The following COX7B2 variants were observed in gnomAD, a reference collection of about 807,000 sequenced individuals.
COX7B2 encodes the protein cytochrome c oxidase subunit 7B2.
For synonymous variants in COX7B2, 37 were observed against 32.1 expected (o/e 1.15, Z -0.51); for missense variants, 109 against 95.9 (o/e 1.14, Z -0.57).
chr4:46,767,201 T>A (rs1178131254), intron 2 of COX7B2, among the ~76,000 whole-genome samples: 1 of 152,072 alleles, frequency 6.6e-6, no homozygotes. Flanking sequence ...CAAAAGAAAG[T>A]AGGATATATA....
intron 2 of COX7B2, among the ~76,000 whole-genome samples, chr4:46,769,424 T>C (rs1369341756): frequency 6.6e-6 from 1 of 152,190 alleles, no homozygotes; most frequent in Non-Finnish European, 1.5e-5. Flanking sequence ...AATAATATGA[T>C]ATATCACATT....
chr4:46,803,140 CAGG>C (rs1027911782), intron 2 of COX7B2, among the ~76,000 whole-genome samples: 2 of 151,970 alleles, frequency 1.3e-5, no homozygotes, highest in Admixed American at 1.3e-4. Flanking sequence ...GGGAATTGCC[CAGG>C]AGTTGTATAA....
At chr4:46,907,005 T>C (rs1180056486) in intron 1 of COX7B2, among the ~76,000 whole-genome samples, 2 of 152,216 alleles carry the variant, frequency 1.3e-5, no homozygotes, top group African/African-American at 2.4e-5. Flanking sequence ...ATTTCCCTAG[T>C]CTTAGTTCTG....
At chr4:46,812,572 A>G (rs527499925) in intron 2 of COX7B2, among the ~76,000 whole-genome samples, 10 of 152,228 alleles carry the variant, frequency 6.6e-5, no homozygotes, top group African/African-American at 2.4e-4. Flanking sequence ...GCAAGGATGT[A>G]AGTTCCTGAT....
intron 2 of COX7B2, among the ~76,000 whole-genome samples, chr4:46,841,145 A>G (rs1483690406): frequency 6.6e-6 from 1 of 151,978 alleles, no homozygotes; most frequent in African/African-American, 2.4e-5. Context: ...AATTATTTTA[A>G]CCTGATATTA....
chr4:46,777,368 T>G (rs1717210942), intron 2 of COX7B2, among the ~76,000 whole-genome samples: 1 of 151,818 alleles, frequency 6.6e-6, no homozygotes, highest in South Asian at 2.1e-4. Context: ...TAGGGGAAAG[T>G]GGAGTGCCAG....
chr4:46,760,244 A>C (rs1236471411), intron 2 of COX7B2, among the ~76,000 whole-genome samples: 1 of 152,212 alleles, frequency 6.6e-6, no homozygotes, highest in Non-Finnish European at 1.5e-5. Flanking sequence ...TCTACTATAA[A>C]GACACATGAA....
At chr4:46,805,723 C>G (rs750022047) in intron 2 of COX7B2, among the ~76,000 whole-genome samples, 1 of 152,004 alleles carries the variant, frequency 6.6e-6, no homozygotes. Context: ...TATTTTCATC[C>G]AGTTTATGGA....
intron 1 of COX7B2, among the ~76,000 whole-genome samples, chr4:46,864,178 T>C (rs745856460): frequency 5.9e-5 from 9 of 152,170 alleles, no homozygotes; most frequent in Non-Finnish European, 8.8e-5. Context: ...TCAACCAAAA[T>C]GGAAGGGCCC....
intron 1 of COX7B2, among the ~76,000 whole-genome samples, chr4:46,886,626 A>G (rs1315686452): frequency 7.2e-5 from 11 of 152,192 alleles, no homozygotes; most frequent in Admixed American, 7.2e-4. Context: ...TTTGATATAA[A>G]TCTTAAAGTT....
chr4:46,803,729 T>C (rs1718795074), intron 2 of COX7B2, among the ~76,000 whole-genome samples: 4 of 127,764 alleles, frequency 3.1e-5, no homozygotes, highest in African/African-American at 1.1e-4. Flanking sequence ...CCTGGTTTAC[T>C]TTCTTTTTTT....
At chr4:46,906,325 G>T (rs544078926) in intron 1 of COX7B2, among the ~76,000 whole-genome samples, 1 of 152,276 alleles carries the variant, frequency 6.6e-6, no homozygotes, top group South Asian at 2.1e-4. Context: ...GGCCCAAAGA[G>T]AACTAATTCC....
chr4:46,751,560 T>C (rs1577660294), intron 2 of COX7B2, among the ~76,000 whole-genome samples: 1 of 152,224 alleles, frequency 6.6e-6, no homozygotes, highest in Non-Finnish European at 1.5e-5. Flanking sequence ...TTTTTTGCCC[T>C]TGTGGAAATC....
intron 1 of COX7B2, among the ~76,000 whole-genome samples, chr4:46,851,498 A>G (rs1716683283): frequency 6.6e-6 from 1 of 152,078 alleles, no homozygotes; most frequent in Admixed American, 6.6e-5. Flanking sequence ...AATATTAACA[A>G]CTTACATAAC....
chr4:46,890,049 G>A (rs551261155), intron 1 of COX7B2, among the ~76,000 whole-genome samples: 4 of 152,190 alleles, frequency 2.6e-5, no homozygotes, highest in East Asian at 1.9e-4. Flanking sequence ...TCTAACCTAC[G>A]TGGCCAACTG....
intron 1 of COX7B2, among the ~76,000 whole-genome samples, chr4:46,876,133 C>G (rs543028347): frequency 2.9e-4 from 44 of 152,154 alleles, no homozygotes; most frequent in African/African-American, 1.0e-3. Flanking sequence ...AAAGTAAACT[C>G]AACATGATAT....
At chr4:46,876,271 A>T (rs2109835247) in intron 1 of COX7B2, among the ~76,000 whole-genome samples, 1 of 152,342 alleles carries the variant, frequency 6.6e-6, no homozygotes, top group Admixed American at 6.5e-5. Flanking sequence ...GTTAGAGGTA[A>T]CATTTTTATA....
intron 1 of COX7B2, among the ~76,000 whole-genome samples, chr4:46,850,230 TA>T (rs142637159): frequency 0.056 from 8,399 of 149,456 alleles, 303 homozygotes; most frequent in South Asian, 0.16. Context: ...TTAAATAATT[TA>T]AAATGATTTA....
At chr4:46,879,997 T>A (rs1301392146) in intron 1 of COX7B2, among the ~76,000 whole-genome samples, 1 of 152,134 alleles carries the variant, frequency 6.6e-6, no homozygotes, top group Non-Finnish European at 1.5e-5. Context: ...CTGTCTTGAA[T>A]AGAAGTGGTG....
Sources: allele counts gnomAD v4.1 joint callset (sites outside exome capture counted in the v4.1 genomes callset), GRCh38; gene constraint gnomAD v4.1.1; transcripts MANE v1.5; gene names NCBI Gene and HGNC (gene_info 2026-07-23, HGNC 2026-07-21).